Variants in GAB1 observed in about 807,000 individuals in gnomAD.
GAB1 encodes the protein GRB2-associated-binding protein 1.
In GAB1, 19 loss-of-function variants were observed where a neutral mutation model predicts 66.5. The observed-to-expected ratio is 0.29, with a 90% CI of 0.20 to 0.42. GAB1 has a LOEUF of 0.42. GAB1 is among the 10% of genes least tolerant of loss of function. The pLI is 1.00. For synonymous variants in GAB1, 294 were observed against 301.4 expected (o/e 0.98, Z 0.25); for missense variants, 732 against 858.5 (o/e 0.85, Z 1.84).
chr4:143,371,423 A>G (rs1042532475), intron 1 of GAB1, among the ~76,000 whole-genome samples: 1 of 152,098 alleles, frequency 6.6e-6, no homozygotes, highest in Non-Finnish European at 1.5e-5. Context: ...AAATTTGTTT[A>G]AGTTCTTTGT....
intron 9 of GAB1, 46 bp from the exon 10 acceptor site, chr4:143,468,985 A>G: frequency 6.3e-7 from 1 of 1,596,734 alleles, no homozygotes. Flanking sequence ...GTACTCAGGA[A>G]CACTCCTTTA....
intron 1 of GAB1, among the ~76,000 whole-genome samples, chr4:143,409,066 G>A (rs1473089678): frequency 1.3e-5 from 2 of 152,214 alleles, no homozygotes; most frequent in African/African-American, 4.8e-5. Flanking sequence ...AAGTGCTTAA[G>A]GGAATGGGCT....
chr4:143,446,633 A>C (rs1381191408), intron 6 of GAB1, among the ~76,000 whole-genome samples: 1 of 151,818 alleles, frequency 6.6e-6, no homozygotes, highest in African/African-American at 2.4e-5. Flanking sequence ...CCACTTTTTG[A>C]TGGGGTTGTT....
intron 1 of GAB1, among the ~76,000 whole-genome samples, chr4:143,363,149 A>G (rs530772084): frequency 6.6e-6 from 1 of 152,310 alleles, no homozygotes; most frequent in South Asian, 2.1e-4. Context: ...CTATCATACC[A>G]GCATTCCTCC....
At chr4:143,457,796 A>G (rs751326264) in intron 6 of GAB1, 7 of 1,141,672 alleles carry the variant, frequency 6.1e-6, no homozygotes, top group Non-Finnish European at 8.9e-6. Context: ...CGCATGCTGT[A>G]TGGGGCATTG....
intron 2 of GAB1, among the ~76,000 whole-genome samples, chr4:143,420,767 T>C (rs1732968949): frequency 6.6e-6 from 1 of 151,804 alleles, no homozygotes; most frequent in South Asian, 2.1e-4. Context: ...AGTGGCTTAA[T>C]AAAAAAAAGT....
rs1728695938 is a variant in GAB1 at position 143,337,383 on chromosome 4, C to A, written c.72+123C>A. 5.0e-6 allele frequency: 4 copies of A among 797,540 alleles called. No homozygotes were observed. The East Asian group carries it at 8.2e-5, about 16-fold the overall frequency. 49.4% of individuals were successfully genotyped at this position (797,540 alleles called of 1,614,324 possible). A position where few individuals can be genotyped will look rare whatever the true frequency, so the allele number is the denominator to read the frequency against. The stretch of plus-strand genomic sequence containing the variant: ...TTCTTAAACGAATGCCGGTCTCTTT[C>A]CCCTTGGCCCCTACCCCTGGCGGGC... On this transcript the variant is annotated intron_variant, in intron 1 of 9. Coordinates refer to ENST00000262994, the MANE Select transcript of GAB1 (RefSeq NM_002039.4).
chr4:143,396,117 T>C (rs755231375), intron 1 of GAB1: 4 of 389,784 alleles, frequency 1.0e-5, no homozygotes, highest in Non-Finnish European at 1.6e-5. Context: ...GAAAGGAGAA[T>C]CCACTAAAAC....
At chr4:143,468,899 G>A in intron 9 of GAB1, 132 bp from the exon 10 acceptor site, 1 of 878,148 alleles carries the variant, frequency 1.1e-6, no homozygotes, top group South Asian at 1.9e-5. Flanking sequence ...CTCCATCCTG[G>A]GCAACAAGAG....
intron 2 of GAB1, among the ~76,000 whole-genome samples, chr4:143,416,181 G>A (rs1028229387): frequency 2.0e-5 from 3 of 152,162 alleles, no homozygotes; most frequent in Non-Finnish European, 4.4e-5. Context: ...CGAGGCGGGT[G>A]GATCACGAGG....
At chr4:143,363,547 G>C (rs1433446645) in intron 1 of GAB1, among the ~76,000 whole-genome samples, 1 of 152,078 alleles carries the variant, frequency 6.6e-6, no homozygotes. Flanking sequence ...AAGTGTGGTT[G>C]GGAGCCAGGA....
chr4:143,393,325 G>A (rs1731278799), intron 1 of GAB1, among the ~76,000 whole-genome samples: 1 of 151,822 alleles, frequency 6.6e-6, no homozygotes, highest in Admixed American at 6.6e-5. Flanking sequence ...TTTACAAAAA[G>A]GTTTGCTGTC....
chr4:143,434,229 A>G, intron 3 of GAB1: 2 of 736,312 alleles, frequency 2.7e-6, no homozygotes, highest in African/African-American at 1.8e-5. Flanking sequence ...TAAAATCCCA[A>G]TATAGCAAAT....
chr4:143,410,387 T>C (rs1272576402), intron 1 of GAB1, among the ~76,000 whole-genome samples: 2 of 152,234 alleles, frequency 1.3e-5, no homozygotes, highest in Non-Finnish European at 2.9e-5. Flanking sequence ...TACAGCCATA[T>C]AGGCAAAATT....
intron 2 of GAB1, chr4:143,425,944 G>A (rs1733328406): frequency 4.3e-6 from 4 of 927,234 alleles, no homozygotes; most frequent in Admixed American, 1.9e-5. Flanking sequence ...GTTCTTGCAC[G>A]GGTTCTTAAG....
At chr4:143,372,242 C>G (rs1355518022) in intron 1 of GAB1, among the ~76,000 whole-genome samples, 1 of 152,164 alleles carries the variant, frequency 6.6e-6, no homozygotes, top group African/African-American at 2.4e-5. Flanking sequence ...CCTTCCTGTA[C>G]CTTCTGTTGC....
rs1386013270 is a variant in GAB1, at chr4:143,466,227, T to G, written c.1926+2T>G. The G allele has an allele frequency of 6.2e-7, 1 of 1,613,144 alleles. No homozygotes were observed. The highest frequency in any genetic ancestry group is 8.5e-7 in the Non-Finnish European group (1 of 1,179,478). ...GGGAAATCCACACCACCACGTAAGG[T>G]GAGTGACATGTGACATGTCTCTTCT... On this transcript the variant is annotated splice_donor_variant, in intron 9 of 9. Transcript: ENST00000262994. LOFTEE classifies it high-confidence loss of function.
rs1736165266 is a variant in GAB1, at chr4:143,473,458, A to C, written c.*4269A>C. ...CTTCCCAGTCCCACCTCTATATGTC[A>C]CTCATTTTCTGCAACAAAGATCTCA... On this transcript the variant is annotated 3_prime_UTR_variant, in exon 10 of 10. Transcript: ENST00000262994. 6.6e-6 allele frequency: 1 copy of C among 152,042 alleles called. No homozygotes were observed. Among genetic ancestry groups the C allele is most frequent in the African/African-American group, 2.4e-5 (1 of 41,372 alleles). 9.4% of individuals were successfully genotyped at this position (152,042 alleles called of 1,614,324 possible).
intron 6 of GAB1, among the ~76,000 whole-genome samples, chr4:143,456,033 T>C (rs1644754904): frequency 6.6e-6 from 1 of 152,198 alleles, no homozygotes; most frequent in Non-Finnish European, 1.5e-5. Context: ...ATGAATCTCA[T>C]TCATAAAATG....
Sources: gnomAD v4.1 joint callset for allele counts (sites outside exome capture counted in the v4.1 genomes callset) on GRCh38, gnomAD v4.1.1 for gene constraint, MANE v1.5 for transcripts, NCBI Gene and HGNC (gene_info 2026-07-23, HGNC 2026-07-21) for gene names.